Variants in CHADL observed in about 807,000 individuals in gnomAD.
CHADL encodes the protein chondroadherin like, also known as chondroadherin-like protein.
A neutral mutation model predicts 52.1 loss-of-function variants in CHADL; 48 were observed. The observed-to-expected ratio is 0.92, with a 90% CI of 0.73 to 1.17. The LOEUF is 1.17. Ranked by LOEUF, CHADL falls within the 50% of genes most tolerant of loss-of-function variation. The pLI, the probability that CHADL is intolerant of heterozygous loss-of-function variation, is 0.00. For missense variants in CHADL, 977 were observed against 1,035.1 expected, an observed-to-expected ratio of 0.94 and a Z score of 0.77; for synonymous variants, 498 against 511.2, an observed-to-expected ratio of 0.97 and a Z score of 0.35.
chr22:41,229,689 C>T lies in CHADL; in HGVS notation c.*15G>A, dbSNP rs570371758. ...CCACCGGGCTGGGTCAAGGCAGGAC[C>T]AGCCTGCTCCGTGCTCAGAGACGAC... On this transcript the variant is annotated 3_prime_UTR_variant, in exon 6 of 6. Transcript: ENST00000216241. The T allele has an allele frequency of 3.1e-6, 5 of 1,612,868 alleles. No individual in the cohort carries two copies. The South Asian group carries it at 3.3e-5, about 11-fold the overall frequency.
Position 41,239,448 on chromosome 22 carries a change from G to A in CHADL, c.181C>T (p.Pro61Ser). ...TGTGCTCCTGCCCTGCTGACCTCAG[G>A]GATGGCGTCTGGCACCTCAGTGAGG... Reference protein sequence around the residue: ...QNLTEVPDAIPELTQRLDLQG... With the variant: ...QNLTEVPDAISELTQRLDLQG... The change falls in exon 2 of 6, where the codon CCT (proline) becomes TCT (serine). Residue 61 changes from proline (P) to serine (S), a missense_variant. Transcript: ENST00000216241. 1 of 1,550,558 alleles carries A rather than the reference G, an allele frequency of 6.4e-7. No homozygotes were observed. The highest frequency in any genetic ancestry group is 8.7e-7 in the Non-Finnish European group (1 of 1,146,732).
At position 41,235,333 on chromosome 22, in the gene CHADL, C is replaced by T. The variant is rs62240275; in HGVS notation, c.2074G>A (p.Gly692Arg). Residue 692 changes from glycine (G) to arginine (R), a missense_variant, in exon 5 of 6, where the codon GGG (glycine) becomes AGG (arginine). Gly to Arg is a moderately radical substitution (Grantham distance 125, BLOSUM62 -2). Transcript: ENST00000216241. ...QLLPLHRWLT[G>R]LNLRVGATCA... is the part of the protein sequence containing the mutation. ...GTGGCCCCCACCCGCAGGTTCAGCCCAGTAAGCCACCTGAAGAGAAAAGAG... is the reference window on the plus strand; with the variant it reads ...GTGGCCCCCACCCGCAGGTTCAGCCTAGTAAGCCACCTGAAGAGAAAAGAG... 70 of 1,550,576 alleles carry T rather than the reference C, an allele frequency of 4.5e-5. No homozygotes were observed. Among genetic ancestry groups the T allele is most frequent in the Non-Finnish European group, 5.7e-5 (65 of 1,146,958 alleles).
rs557341654 is a variant in CHADL, at chr22:41,240,913, C to A, written c.-32G>T. The A allele has an allele frequency of 2.4e-5, 37 of 1,546,906 alleles. No homozygotes were observed. The highest frequency in any genetic ancestry group is 2.9e-5 in the Non-Finnish European group (33 of 1,146,176). ...TGGAACTGCTGGTCCAGCCTGGAGGCGCAGCGCAGGGACAGGCTGTCCCCG... is the reference window on the plus strand; with the variant it reads ...TGGAACTGCTGGTCCAGCCTGGAGGAGCAGCGCAGGGACAGGCTGTCCCCG... On this transcript the variant is annotated 5_prime_UTR_variant, in exon 1 of 6. Coordinates refer to ENST00000216241, the MANE Select transcript of CHADL (RefSeq NM_138481.2).
At chr22:41,239,708 C>T in intron 1 of CHADL, 88 bp from the exon 2 acceptor site, 1 of 1,199,330 alleles carries the variant, frequency 8.3e-7, no homozygotes, top group Non-Finnish European at 1.1e-6. Flanking sequence ...GCAGCTCCTG[C>T]CCCAAAAACC....
intron 5 of CHADL, among the ~76,000 whole-genome samples, chr22:41,234,931 C>T (rs530226135): frequency 8.6e-4 from 131 of 151,950 alleles, no homozygotes; most frequent in African/African-American, 3.1e-3. Context: ...CCTCGTGATC[C>T]GCCCACCTCG....
Position 41,236,476 on chromosome 22 carries a change from G to T in CHADL, c.2063+8C>A. On this transcript the variant is annotated splice_region_variant and intron_variant, in intron 4 of 5. Coordinates refer to ENST00000216241, the MANE Select transcript of CHADL (RefSeq NM_138481.2). The stretch of plus-strand genomic sequence containing the variant: ...TCTTTGGCTGGAGGTCTAGGTGGGG[G>T]TGCCCACCTGTGCAGCGGAAGCAGC... 1.3e-6 allele frequency: 2 copies of T among 1,549,382 alleles called. No individual in the cohort carries two copies. Among genetic ancestry groups the T allele is most frequent in the Non-Finnish European group, 1.7e-6 (2 of 1,145,768 alleles).
rs1216941973 is a variant in CHADL at position 41,237,691 on chromosome 22, T to C, written c.1381A>G (p.Ile461Val). The change falls in exon 3 of 6, where the codon ATC becomes GTC. Residue 461 changes from isoleucine to valine, a missense_variant. Ile to Val is a conservative substitution (Grantham distance 29). Transcript: ENST00000216241. Reference protein sequence around the residue: ...LVSLHLQHCGIAELEAGALAG... With the variant: ...LVSLHLQHCGVAELEAGALAG... ...AGGGCGCCCGCTTCCAGCTCCGCGA[T>C]GCCGCAGTGCTGCAGGTGCAGCGAC... is the stretch of plus-strand genomic sequence containing the variant. 1.3e-6 allele frequency: 2 copies of C among 1,542,562 alleles called. No homozygotes were observed. The highest frequency in any genetic ancestry group is 1.8e-6 in the Non-Finnish European group (2 of 1,142,406).
In CHADL at chr22:41,239,354, A is replaced by C; in HGVS notation, c.186+89T>G. ...CAAGGTCTCCCGGGCAGGCGGTGGCAGATCAACTGGTGCCCAGCCCAGGCT... is the reference window on the plus strand; with the variant it reads ...CAAGGTCTCCCGGGCAGGCGGTGGCCGATCAACTGGTGCCCAGCCCAGGCT... On this transcript the variant is annotated intron_variant, in intron 2 of 5. Coordinates refer to ENST00000216241, the MANE Select transcript of CHADL (RefSeq NM_138481.2). 3.3e-6 allele frequency: 4 copies of C among 1,220,298 alleles called. No homozygotes were observed. The South Asian group carries it at 5.7e-5, about 17-fold the overall frequency. The allele number at this position is 1,220,298 out of a possible 1,614,324, so 75.6% of individuals were successfully genotyped here.
chr22:41,236,576 G>A lies in CHADL; in HGVS notation c.1971C>T (p.Ala657=), dbSNP rs555324292. The A allele has an allele frequency of 5.6e-5, 87 of 1,551,348 alleles. No individual in the cohort carries two copies. The African/African-American group carries it at 8.3e-4, about 15-fold the overall frequency. Residue 657 remains alanine, a synonymous_variant, in exon 4 of 6, where the codon GCC becomes GCT. Transcript: ENST00000216241. The part of the protein sequence containing the change: ...SLHLQKNQLR[A]LPALPSLSQL... ...GGCTGAGACTGGGCAGGGCAGGCAG[G>A]GCCCGAAGCTGGTTCTTCTGCAGGT...
Position 41,239,442 on chromosome 22 carries a change from C to T in CHADL, c.186+1G>A. The T allele has an allele frequency of 1.9e-6, 3 of 1,550,690 alleles. No individual in the cohort carries two copies. The highest frequency in any genetic ancestry group is 2.4e-5 in the East Asian group (1 of 40,878). The stretch of plus-strand genomic sequence containing the variant: ...TGTGCCTGTGCTCCTGCCCTGCTGA[C>T]CTCAGGGATGGCGTCTGGCACCTCA... On this transcript the variant is annotated splice_donor_variant, in intron 2 of 5. Coordinates refer to ENST00000216241, the MANE Select transcript of CHADL (RefSeq NM_138481.2). LOFTEE classifies it high-confidence loss of function.
intron 5 of CHADL, among the ~76,000 whole-genome samples, chr22:41,231,673 C>T (rs1161082818): frequency 1.3e-5 from 2 of 152,216 alleles, no homozygotes; most frequent in East Asian, 1.9e-4. Context: ...AACCTTGTGC[C>T]TCAGTTTGCC....
chr22:41,231,826 C>T (rs2032600321), intron 5 of CHADL, among the ~76,000 whole-genome samples: 2 of 151,234 alleles, frequency 1.3e-5, no homozygotes, highest in African/African-American at 2.5e-5. Context: ...CCTTCAGGAA[C>T]CTGCCCTGCC....
rs1242665468 is a variant in CHADL, at chr22:41,238,248, G to T, written c.824C>A (p.Ala275Glu). 1 of 1,530,660 alleles carries T rather than the reference G, an allele frequency of 6.5e-7. No individual in the cohort carries two copies. The highest frequency in any genetic ancestry group is 1.2e-5 in the South Asian group (1 of 83,728). 94.8% of individuals were successfully genotyped at this position (1,530,660 alleles called of 1,614,324 possible). A position where few individuals can be genotyped will look rare whatever the true frequency, so the allele number is the denominator to read the frequency against. The change falls in exon 3 of 6, where the codon GCA (alanine) becomes GAA (glutamate). Residue 275 changes from alanine (A) to glutamate (E), a missense_variant. Physicochemically the swap from Ala to Glu is moderately radical, Grantham distance 107 (BLOSUM62 -1). Transcript: ENST00000216241. This position sits in a 1 kb window ranked among gnomAD's most constrained non-coding sequence, Gnocchi z 4.9. ...GAGGGTGTGCAGGCGCGGACAGTGTGCGAAGGCCCTGGGACCCAGGGCCTG... is the reference window on the plus strand; with the variant it reads ...GAGGGTGTGCAGGCGCGGACAGTGTTCGAAGGCCCTGGGACCCAGGGCCTG... ...ALQALGPRAF[A>E]HCPRLHTLDL...
intron 3 of CHADL, among the ~76,000 whole-genome samples, chr22:41,236,969 C>G (rs6519247): frequency 0.068 from 10,326 of 152,294 alleles, 926 homozygotes; most frequent in African/African-American, 0.2. Context: ...TCCAGCAATA[C>G]CGTCCTGTGC....
chr22:41,231,645 T>C (rs2032593064), intron 5 of CHADL, among the ~76,000 whole-genome samples: 1 of 152,246 alleles, frequency 6.6e-6, no homozygotes, highest in Non-Finnish European at 1.5e-5. Context: ...TTGGGAGTTT[T>C]TGCTCAATCC....
At chr22:41,235,002 A>G (rs2032712347) in intron 5 of CHADL, 143 bp downstream of exon 5, 10 of 841,492 alleles carry the variant, frequency 1.2e-5, no homozygotes, top group African/African-American at 1.7e-5. Context: ...GATGGACATT[A>G]TTGAACTGAC....
At chr22:41,239,959 C>A (rs1301658794) in intron 1 of CHADL, among the ~76,000 whole-genome samples, 4 of 152,178 alleles carry the variant, frequency 2.6e-5, no homozygotes, top group Non-Finnish European at 5.9e-5. Context: ...GGCTCTGGTC[C>A]AGGGTAGGCT....
intron 3 of CHADL, 150 bp downstream of exon 3, chr22:41,237,026 G>A (rs1354175990): frequency 7.4e-6 from 6 of 807,564 alleles, no homozygotes; most frequent in East Asian, 5.4e-5. Flanking sequence ...CACTCACACC[G>A]GTAGGGGCAG....
chr22:41,240,625 G>A lies in CHADL; in HGVS notation c.8+249C>T, dbSNP rs140525916. 6.6e-4 allele frequency among the ~76,000 whole-genome samples: 100 copies of A among 152,338 alleles called. 2 individuals are homozygous for A. In the East Asian group the frequency reaches 0.019, roughly 29 times the overall value. ...ACCCATGGGGACAGATCGCTGAAGC[G>A]ACAAGCATTCATAATGCAGGGACCA... is the stretch of plus-strand genomic sequence containing the variant. On this transcript the variant is annotated intron_variant, in intron 1 of 5. Coordinates refer to ENST00000216241, the MANE Select transcript of CHADL (RefSeq NM_138481.2).
Sources: allele counts gnomAD v4.1 joint callset (sites outside exome capture counted in the v4.1 genomes callset), GRCh38; gene constraint gnomAD v4.1.1; non-coding constraint Gnocchi (gnomAD v3.1); transcripts MANE v1.5; gene names NCBI Gene and HGNC (gene_info 2026-07-23, HGNC 2026-07-21).